The following CLDN14 variants were observed in gnomAD, a reference collection of about 807,000 sequenced individuals.
CLDN14 encodes the protein claudin-14.
Under a neutral mutation model 2.1 loss-of-function variants are expected in CLDN14, and 2 were observed. That is an observed-to-expected ratio of 0.96 (90% confidence interval 0.39 to 3.01). CLDN14 has a LOEUF of 3.01. Among genes scored for constraint, CLDN14 ranks in the 30% most tolerant of loss-of-function variants. CLDN14 has a pLI of 0.09. For synonymous variants in CLDN14, 136 were observed against 154.4 expected (o/e 0.88, Z 0.88); for missense variants, 298 against 328.0 (o/e 0.91, Z 0.71).
intron 1 of CLDN14, among the ~76,000 whole-genome samples, chr21:36,524,379 C>T (rs570275188): frequency 6.6e-6 from 1 of 152,206 alleles, no homozygotes; most frequent in Non-Finnish European, 1.5e-5. Flanking sequence ...GTCTTGGACT[C>T]CCAAAGTGCA....
intron 1 of CLDN14, among the ~76,000 whole-genome samples, chr21:36,517,137 G>T (rs1307894986): frequency 2.6e-5 from 4 of 152,166 alleles, no homozygotes; most frequent in African/African-American, 4.8e-5. Flanking sequence ...ACCACGCCTG[G>T]CCTGGTCTTT....
intron 1 of CLDN14, among the ~76,000 whole-genome samples, chr21:36,565,089 G>T (rs149240328): frequency 6.6e-6 from 1 of 152,154 alleles, no homozygotes; most frequent in Non-Finnish European, 1.5e-5. Context: ...TTGTTACAGC[G>T]GCCACGGGAA....
intron 1 of CLDN14, among the ~76,000 whole-genome samples, chr21:36,564,692 A>G (rs1203451643): frequency 2.0e-5 from 3 of 152,216 alleles, no homozygotes; most frequent in Non-Finnish European, 2.9e-5. Context: ...GTTATGTTAC[A>G]TGCAAGGGCA....
At chr21:36,520,960 G>A (rs2087265078) in intron 1 of CLDN14, among the ~76,000 whole-genome samples, 1 of 152,190 alleles carries the variant, frequency 6.6e-6, no homozygotes, top group Admixed American at 6.5e-5. Flanking sequence ...CCAAGGTAAC[G>A]TGCTGCAGCC....
At chr21:36,552,263 A>T (rs529369474) in intron 1 of CLDN14, among the ~76,000 whole-genome samples, 1 of 152,324 alleles carries the variant, frequency 6.6e-6, no homozygotes, top group East Asian at 1.9e-4. Flanking sequence ...GCGATACTTT[A>T]AAAAAATGGA....
intron 1 of CLDN14, among the ~76,000 whole-genome samples, chr21:36,477,022 C>G (rs1190242229): frequency 2.0e-5 from 3 of 152,222 alleles, no homozygotes; most frequent in Non-Finnish European, 2.9e-5. Context: ...TGAAGAGTAC[C>G]AGGCCCTGTA....
At chr21:36,533,729 C>T (rs2087400344) in intron 1 of CLDN14, among the ~76,000 whole-genome samples, 1 of 152,182 alleles carries the variant, frequency 6.6e-6, no homozygotes, top group South Asian at 2.1e-4. Flanking sequence ...CTTTAGCAAA[C>T]TAATGCAGGA....
At chr21:36,480,692 T>A (rs1433810815), upstream of CLDN14, 1 of 152,152 alleles carries the variant, frequency 6.6e-6, no homozygotes, top group East Asian at 1.9e-4. Flanking sequence ...GATTCTGGAA[T>A]TGAGAAGTGT....
intron 2 of CLDN14, among the ~76,000 whole-genome samples, chr21:36,501,002 C>T (rs1044453877): frequency 2.0e-5 from 3 of 152,250 alleles, no homozygotes; most frequent in South Asian, 2.1e-4. Context: ...CTTAAATCAG[C>T]GGCCCAAGGT....
chr21:36,523,234 C>T (rs2146494549), intron 1 of CLDN14, among the ~76,000 whole-genome samples: 1 of 152,320 alleles, frequency 6.6e-6, no homozygotes, highest in South Asian at 2.1e-4. Context: ...CACCTGTGCT[C>T]TGGCTGTCCC....
upstream of CLDN14, among the ~76,000 whole-genome samples, chr21:36,482,422 A>G (rs1467695069): frequency 5.3e-5 from 8 of 150,530 alleles, no homozygotes; most frequent in South Asian, 1.5e-3. Context: ...GGATGGATGG[A>G]TGGATGGATG....
intron 1 of CLDN14, among the ~76,000 whole-genome samples, chr21:36,555,987 T>C (rs906800756): frequency 6.6e-6 from 1 of 152,072 alleles, no homozygotes; most frequent in Non-Finnish European, 1.5e-5. Flanking sequence ...ATCCCACATA[T>C]CAGTTTTATC....
Position 36,499,434 on chromosome 21 carries a change from CAG to C in CLDN14, c.-82+10927_-82+10928del, listed in dbSNP as rs1477588386. 6.6e-6 allele frequency among the ~76,000 whole-genome samples: 1 copy of C among 152,150 alleles called. No homozygotes were observed. The highest frequency in any genetic ancestry group is 1.5e-5 in the Non-Finnish European group (1 of 68,032). On this transcript the variant is annotated intron_variant, in intron 2 of 2. Coordinates refer to the CLDN14 transcript ENST00000342108. The surrounding 1 kb of genome is among the most constrained non-coding windows in gnomAD (Gnocchi z 4.7). ...TTTTGTTTTATGGGCTGGGTTCCTA[CAG>C]AGAGTTATGAATGGAGGATTGAGTG...
chr21:36,539,511 T>C (rs1220823829), intron 1 of CLDN14, among the ~76,000 whole-genome samples: 2 of 130,674 alleles, frequency 1.5e-5, no homozygotes, highest in Non-Finnish European at 3.2e-5. Flanking sequence ...GTGTGTGGAG[T>C]GAGTGTATGC....
rs183933541 is a variant in CLDN14 at position 36,500,362 on chromosome 21, G to A, written c.-82+10001C>T. On this transcript the variant is annotated intron_variant, in intron 2 of 2. Coordinates refer to the CLDN14 transcript ENST00000342108. ...ACAGTGACGCCTCGGACAGTGACACGTCCCGCTGACCAACCACAGGGTCTG... is the reference window on the plus strand; with the variant it reads ...ACAGTGACGCCTCGGACAGTGACACATCCCGCTGACCAACCACAGGGTCTG... 3.3e-4 allele frequency among the ~76,000 whole-genome samples: 51 copies of A among 152,292 alleles called. 1 individual carries two copies. In the South Asian group the frequency reaches 5.6e-3, roughly 17 times the overall value.
At position 36,499,922 on chromosome 21, in the gene CLDN14, C is replaced by G. The variant is rs910723999; in HGVS notation, c.-82+10441G>C. Among the ~76,000 whole-genome samples, 1 of 152,146 alleles carries G rather than the reference C, an allele frequency of 6.6e-6. No individual in the cohort carries two copies. Among genetic ancestry groups the G allele is most frequent in the Non-Finnish European group, 1.5e-5 (1 of 68,040 alleles). On this transcript the variant is annotated intron_variant, in intron 2 of 2. Coordinates refer to the CLDN14 transcript ENST00000342108. The surrounding 1 kb of genome is among the most constrained non-coding windows in gnomAD (Gnocchi z 4.7). ...GGGGTCTCCGGAGCAACCCCGGGAGCAGTACTGGGCCCAGAAGCCTGCCCC... is the reference window on the plus strand; with the variant it reads ...GGGGTCTCCGGAGCAACCCCGGGAGGAGTACTGGGCCCAGAAGCCTGCCCC...
intron 2 of CLDN14, among the ~76,000 whole-genome samples, chr21:36,504,771 T>G (rs975983552): frequency 1.3e-5 from 2 of 152,232 alleles, no homozygotes; most frequent in African/African-American, 2.4e-5. Context: ...AAGGCTGATG[T>G]TGACTTCAAT....
At chr21:36,527,212 C>T (rs894244217) in intron 1 of CLDN14, among the ~76,000 whole-genome samples, 12 of 152,258 alleles carry the variant, frequency 7.9e-5, no homozygotes, top group East Asian at 3.9e-4. Context: ...AAATATTACA[C>T]GTAGAATAAT....
rs59408933 is a variant in CLDN14, at chr21:36,505,338, C to T, written c.-82+5025G>A. On this transcript the variant is annotated intron_variant, in intron 2 of 2. Transcript: ENST00000342108. ...TGGAATTTTTTAAAAAATAGCCCTT[C>T]AGCCCAGATAGCTTTTGAAGCACTG... Among the ~76,000 whole-genome samples, 1,318 of 152,262 alleles carry T rather than the reference C, an allele frequency of 8.7e-3. 19 individuals carry two copies. Among genetic ancestry groups the T allele is most frequent in the African/African-American group, 0.03 (1,242 of 41,532 alleles).
Sources: gnomAD v4.1 joint callset for allele counts (sites outside exome capture counted in the v4.1 genomes callset) on GRCh38, gnomAD v4.1.1 for gene constraint, Gnocchi (gnomAD v3.1) non-coding constraint, MANE v1.5 for transcripts, NCBI Gene and HGNC (gene_info 2026-07-23, HGNC 2026-07-21) for gene names.